Variants in SELENOT observed in about 807,000 individuals in gnomAD.
The protein encoded by SELENOT is thioredoxin reductase-like selenoprotein T.
SELENOT carries 9 observed loss-of-function variants against 24.3 expected under a neutral mutation model. The ratio of observed to expected loss-of-function variants is 0.37; its 90% CI spans 0.22 to 0.65. The LOEUF (loss-of-function observed/expected upper bound fraction) is 0.65, where lower values mean the gene tolerates loss of function less well. SELENOT is among the 30% of genes least tolerant of loss of function. The pLI is 0.60. For synonymous variants in SELENOT, 81 were observed against 86.0 expected (o/e 0.94, Z 0.32); for missense variants, 166 against 247.6 (o/e 0.67, Z 2.21).
intron 1 of SELENOT, among the ~76,000 whole-genome samples, chr3:150,607,630 A>T (rs1020187938): frequency 3.9e-5 from 6 of 152,272 alleles, no homozygotes; most frequent in African/African-American, 1.4e-4. Context: ...GGTATGAGAG[A>T]TGCCTAGTCG....
chr3:150,620,580 T>C (rs1047691662), intron 1 of SELENOT, among the ~76,000 whole-genome samples: 1 of 152,208 alleles, frequency 6.6e-6, no homozygotes, highest in African/African-American at 2.4e-5. Context: ...AAATAATACA[T>C]TGGATGCATA....
intron 1 of SELENOT, among the ~76,000 whole-genome samples, chr3:150,619,718 T>A (rs1726298043): frequency 6.6e-6 from 1 of 152,042 alleles, no homozygotes; most frequent in Admixed American, 6.6e-5. Flanking sequence ...AAGAAATGGG[T>A]GAGATGGTAG....
chr3:150,611,743 C>A, intron 1 of SELENOT: 2 of 1,478,604 alleles, frequency 1.4e-6, no homozygotes, highest in South Asian at 2.3e-5. Flanking sequence ...CCGGCCTGGC[C>A]GCCCCCAGGG....
At chr3:150,609,220 A>G (rs1329445189) in intron 1 of SELENOT, among the ~76,000 whole-genome samples, 2 of 152,228 alleles carry the variant, frequency 1.3e-5, no homozygotes, top group Admixed American at 6.5e-5. Context: ...CTGCGCCATC[A>G]GTAACTTTTC....
chr3:150,611,890 C>T (rs1262368073), intron 1 of SELENOT: 2 of 1,013,684 alleles, frequency 2.0e-6, no homozygotes, highest in African/African-American at 1.7e-5. Flanking sequence ...CTCCGAGCTC[C>T]GGGGTACCGG....
In SELENOT at chr3:150,616,721, G is replaced by A. The variant is rs187057059; in HGVS notation, c.138-5664G>A. 7.2e-4 allele frequency among the ~76,000 whole-genome samples: 110 copies of A among 152,300 alleles called. 1 individual carries two copies. The highest frequency in any genetic ancestry group is 2.1e-3 in the African/African-American group (89 of 41,560). ...AATTCATTGTCATTTAAATAAAGTG[G>A]GCCTGTGTCAATATTAATCAAGTGC... On this transcript the variant is annotated intron_variant, in intron 1 of 5. Transcript: ENST00000471696.
chr3:150,611,690 G>C (rs1318576821), intron 1 of SELENOT: 9 of 1,600,106 alleles, frequency 5.6e-6, no homozygotes, highest in Non-Finnish European at 1.7e-6. Context: ...CTGCCCGACC[G>C]CACCGCTCAC....
chr3:150,614,788 C>T (rs1229566625), intron 1 of SELENOT, among the ~76,000 whole-genome samples: 1 of 151,612 alleles, frequency 6.6e-6, no homozygotes, highest in Non-Finnish European at 1.5e-5. Context: ...TTATATAGAC[C>T]ATATAAATAC....
At chr3:150,626,963 A>G (rs1231951669) in intron 4 of SELENOT, 47 bp from the exon 5 acceptor site, 3 of 1,586,948 alleles carry the variant, frequency 1.9e-6, no homozygotes, top group Non-Finnish European at 2.6e-6. Flanking sequence ...TGCATATTAT[A>G]AAATCATCTT....
rs35489270 is a variant in SELENOT, at chr3:150,621,614, C to CTTTTTT, written c.138-754_138-749dup. 7.4e-3 allele frequency among the ~76,000 whole-genome samples: 597 copies of CTTTTTT among 80,522 alleles called. 3 individuals carry two copies. The highest frequency in any genetic ancestry group is 0.019 in the East Asian group (45 of 2,356). 52.8% of individuals were successfully genotyped at this position (80,522 alleles called of 152,430 possible). A position where few individuals can be genotyped will look rare whatever the true frequency, so the allele number is the denominator to read the frequency against. On this transcript the variant is annotated intron_variant, in intron 1 of 5. Coordinates refer to ENST00000471696, the MANE Select transcript of SELENOT (RefSeq NM_016275.5). ...CATATGCACTCTGGTGGCATATTTC[C>CTTTTTT]TTTTTTTTTTTTTTTTTTTTTTGCT...
chr3:150,627,222 A>C, intron 5 of SELENOT, 59 bp downstream of exon 5: 3 of 1,278,378 alleles, frequency 2.3e-6, no homozygotes, highest in Non-Finnish European at 3.2e-6. Flanking sequence ...TGACTCAGCA[A>C]GTTAGTAAAT....
chr3:150,625,639 A>G (rs746863421), intron 4 of SELENOT, among the ~76,000 whole-genome samples: 30 of 149,030 alleles, frequency 2.0e-4, no homozygotes, highest in Non-Finnish European at 4.2e-4. Flanking sequence ...CTTTTTGGTT[A>G]AAAAAAAAAC....
chr3:150,608,407 A>G (rs1726017020), intron 1 of SELENOT, among the ~76,000 whole-genome samples: 1 of 152,326 alleles, frequency 6.6e-6, no homozygotes, highest in Non-Finnish European at 1.5e-5. Context: ...TTAAACGGAC[A>G]CACTAATGAT....
intron 1 of SELENOT, chr3:150,611,943 C>G: frequency 1.3e-6 from 1 of 793,708 alleles, no homozygotes; most frequent in Non-Finnish European, 2.0e-6. Flanking sequence ...CCGTCGGCGG[C>G]AGTTCACTCT....
At position 150,629,864 on chromosome 3, in the gene SELENOT, A is replaced by G. The variant is rs2108017535; in HGVS notation, c.*2235A>G. 6.5e-6 allele frequency: 1 copy of G among 152,768 alleles called. No individual in the cohort carries two copies. The highest frequency in any genetic ancestry group is 6.5e-5 in the Admixed American group (1 of 15,292). The allele number at this position is 152,768 out of a possible 1,614,324, so 9.5% of individuals were successfully genotyped here. ...AGTTTTGTTATATTCCCAGCATTTC[A>G]ATATTTATTAGTTACTTGTAAATTA... On this transcript the variant is annotated 3_prime_UTR_variant, in exon 6 of 6. Transcript: ENST00000471696.
Position 150,630,025 on chromosome 3 carries a change from A to T in SELENOT, c.*2396A>T, listed in dbSNP as rs1726522935. On this transcript the variant is annotated 3_prime_UTR_variant, in exon 6 of 6. Transcript: ENST00000471696. Reference sequence around the variant, plus strand: ...GGAAGAAATTATTTGGTACATTAATAAAAAAAGTTGGTAAAACATGGTTTT... The same window carrying T: ...GGAAGAAATTATTTGGTACATTAATTAAAAAAGTTGGTAAAACATGGTTTT... 6.6e-6 allele frequency: 1 copy of T among 152,618 alleles called. No individual in the cohort carries two copies. Among genetic ancestry groups the T allele is most frequent in the African/African-American group, 2.4e-5 (1 of 41,452 alleles). The allele number at this position is 152,618 out of a possible 1,614,324, so 9.5% of individuals were successfully genotyped here. A position where few individuals can be genotyped will look rare whatever the true frequency, so the allele number is the denominator to read the frequency against.
intron 1 of SELENOT, 116 bp downstream of exon 1, chr3:150,603,615 CTG>C: frequency 8.0e-7 from 1 of 1,246,688 alleles, no homozygotes; most frequent in South Asian, 1.6e-5. Flanking sequence ...CCTCGTAGAA[CTG>C]TGCCGGCGCC....
rs113532087 is a variant in SELENOT at position 150,611,004 on chromosome 3, CGTGT to C, written c.137+7534_137+7537del. Reference sequence around the variant, plus strand: ...GCCACAGTACTATTGCATCATGAGTCGTGTGTGTGTGTGTGTGTGTGTGTGTGTG... The same window carrying C: ...GCCACAGTACTATTGCATCATGAGTCGTGTGTGTGTGTGTGTGTGTGTGTG... On this transcript the variant is annotated intron_variant, in intron 1 of 5. Transcript: ENST00000471696. Among the ~76,000 whole-genome samples the C allele has an allele frequency of 2.6e-3, 374 of 145,500 alleles. 4 individuals carry two copies. The highest frequency in any genetic ancestry group is 2.6e-3 in the African/African-American group (100 of 39,184).
intron 1 of SELENOT, 142 bp downstream of exon 1, chr3:150,603,641 C>A (rs966295717): frequency 2.0e-6 from 2 of 1,013,168 alleles, no homozygotes; most frequent in Non-Finnish European, 2.8e-6. Context: ...CCACAGCCAG[C>A]CTTCTCGCGG....
Sources: gnomAD v4.1 joint callset for allele counts (sites outside exome capture counted in the v4.1 genomes callset) on GRCh38, gnomAD v4.1.1 for gene constraint, MANE v1.5 for transcripts, NCBI Gene and HGNC (gene_info 2026-07-23, HGNC 2026-07-21) for gene names.